The following DRC10 variants were observed in gnomAD, a reference collection of about 807,000 sequenced individuals.
DRC10 encodes the protein IQ domain-containing protein D.
At chr12:113,218,425 G>A in the DRC10 span, among the ~76,000 whole-genome samples, 3 of 151,464 alleles carry the variant, frequency 2.0e-5, no homozygotes, top group East Asian at 1.9e-4. Flanking sequence ...ATTTACAGGC[G>A]TGAGCCACCG....
chr12:113,213,960 A>G, the DRC10 span, among the ~76,000 whole-genome samples: 10 of 151,978 alleles, frequency 6.6e-5, no homozygotes, highest in Admixed American at 6.6e-4. Context: ...AACAAAAACA[A>G]AAAACAAAAA....
At chr12:113,196,835 A>G in the DRC10 span, among the ~76,000 whole-genome samples, 1 of 152,234 alleles carries the variant, frequency 6.6e-6, no homozygotes, top group Non-Finnish European at 1.5e-5. Context: ...ACTTCCCTCC[A>G]GGCCAGACCC....
At chr12:113,207,904 A>G in the DRC10 span, 4 of 1,614,092 alleles carry the variant, frequency 2.5e-6, no homozygotes, top group South Asian at 3.3e-5. Context: ...CACTGCCCTC[A>G]TGACGTCCTC....
the DRC10 span, chr12:113,200,368 T>A: frequency 1.4e-6 from 1 of 690,652 alleles, no homozygotes; most frequent in Non-Finnish European, 2.6e-6. Flanking sequence ...CCCAGGCCTG[T>A]GTGCTGCCCC....
the DRC10 span, among the ~76,000 whole-genome samples, chr12:113,218,629 G>T: frequency 1.3e-5 from 2 of 151,862 alleles, no homozygotes; most frequent in Non-Finnish European, 2.9e-5. Context: ...TTTTTGTAGA[G>T]ATAGGGTCTC....
chr12:113,200,731 C>G, the DRC10 span: 13 of 1,536,064 alleles, frequency 8.5e-6, no homozygotes, highest in African/African-American at 2.7e-5. Context: ...CTGCTTAGTG[C>G]GAACGAGGCT....
the DRC10 span, among the ~76,000 whole-genome samples, chr12:113,204,019 T>C: frequency 6.6e-6 from 1 of 152,002 alleles, no homozygotes; most frequent in South Asian, 2.1e-4. Context: ...GGCAGGGAGA[T>C]TGCTTGAGCC....
At chr12:113,207,140 G>T in the DRC10 span, 1 of 411,372 alleles carries the variant, frequency 2.4e-6, no homozygotes, top group Non-Finnish European at 4.6e-6. Flanking sequence ...TTGAGGTCAG[G>T]AGTTCTAGAC....
At chr12:113,207,193 C>T in the DRC10 span, 14 of 535,060 alleles carry the variant, frequency 2.6e-5, no homozygotes, top group Admixed American at 4.4e-4. Flanking sequence ...ACTAAAAATA[C>T]AAAAATTAGC....
the DRC10 span, among the ~76,000 whole-genome samples, chr12:113,212,465 G>A: frequency 2.0e-5 from 3 of 152,196 alleles, no homozygotes; most frequent in East Asian, 5.8e-4. Flanking sequence ...ATGGCTACAG[G>A]ATGAATGTGA....
chr12:113,196,284 A>G, the DRC10 span, among the ~76,000 whole-genome samples: 4 of 152,318 alleles, frequency 2.6e-5, no homozygotes, highest in East Asian at 1.9e-4. Flanking sequence ...TGTACTGGAC[A>G]TGATGCCAGG....
At chr12:113,198,905 A>G in the DRC10 span, among the ~76,000 whole-genome samples, 10 of 152,214 alleles carry the variant, frequency 6.6e-5, no homozygotes, top group African/African-American at 2.4e-4. Context: ...AGCCTGGGCA[A>G]CAGAGCAAAA....
chr12:113,199,779 A>G, the DRC10 span, among the ~76,000 whole-genome samples: 15,696 of 151,952 alleles, frequency 0.1, 934 homozygotes, highest in East Asian at 0.21. Flanking sequence ...ATGCAGTGGC[A>G]CAGTTATAGT....
chr12:113,206,076 T>G, the DRC10 span: 1 of 147,534 alleles, frequency 6.8e-6, no homozygotes, highest in African/African-American at 2.5e-5. Context: ...AAAAATTAGC[T>G]GGGTATGGTG....
At chr12:113,212,323 C>T in the DRC10 span, among the ~76,000 whole-genome samples, 5 of 152,250 alleles carry the variant, frequency 3.3e-5, no homozygotes, top group Admixed American at 2.6e-4. Flanking sequence ...CCCACCTTGG[C>T]CTCCCAAAGT....
chr12:113,196,303 G>A, the DRC10 span, among the ~76,000 whole-genome samples: 2 of 152,146 alleles, frequency 1.3e-5, no homozygotes, highest in Non-Finnish European at 2.9e-5. Flanking sequence ...GGCACACAGT[G>A]GGGACACAAG....
At chr12:113,195,577 A>G in the DRC10 span, 17 of 1,586,520 alleles carry the variant, frequency 1.1e-5, no homozygotes, top group African/African-American at 2.7e-5. Context: ...TGGAGAGCTC[A>G]TTTCTTGCCC....
At chr12:113,218,344 A>G in the DRC10 span, among the ~76,000 whole-genome samples, 1 of 151,192 alleles carries the variant, frequency 6.6e-6, no homozygotes, top group Non-Finnish European at 1.5e-5. Flanking sequence ...GGGTTTCTCC[A>G]TGTTGGTCAG....
the DRC10 span, chr12:113,207,990 C>G: frequency 6.2e-7 from 1 of 1,614,162 alleles, no homozygotes; most frequent in Non-Finnish European, 8.5e-7. Context: ...CCTTGTAGAT[C>G]GCCTCATCCA....
Sources: allele counts gnomAD v4.1 joint callset (sites outside exome capture counted in the v4.1 genomes callset), GRCh38; gene constraint gnomAD v4.1.1; transcripts MANE v1.5; gene names NCBI Gene and HGNC (gene_info 2026-07-23, HGNC 2026-07-21).